ZFHX3: variants seen among roughly 807,000 people sequenced by gnomAD.
ZFHX3 encodes zinc finger homeobox protein 3.
Under a neutral mutation model 279.1 loss-of-function variants are expected in ZFHX3, and 42 were observed. The ratio of observed to expected loss-of-function variants is 0.15; its 90% CI spans 0.12 to 0.19. The LOEUF is 0.19. Among genes scored for constraint, ZFHX3 ranks in the 10% least tolerant of loss-of-function variants. The pLI is 1.00. For missense variants in ZFHX3, 4,981 were observed against 4,754.0 expected (o/e 1.05, Z -1.40); for synonymous variants, 2,293 against 1,957.8 (o/e 1.17, Z -4.52).
intron 2 of ZFHX3, among the ~76,000 whole-genome samples, chr16:73,613,983 C>A (rs1373918064): frequency 6.6e-6 from 1 of 152,168 alleles, no homozygotes; most frequent in Non-Finnish European, 1.5e-5. Context: ...TTCTTTAGAT[C>A]CAAAGATCAA....
intron 2 of ZFHX3, among the ~76,000 whole-genome samples, chr16:73,572,980 C>T (rs1467351020): frequency 5.3e-5 from 8 of 152,152 alleles, no homozygotes; most frequent in Admixed American, 5.2e-4. Context: ...GACCGCTCTA[C>T]AATTTTCATT....
In ZFHX3 at chr16:73,005,919, C is replaced by T. The variant is rs184640316; in HGVS notation, c.-50+41833G>A. On this transcript the variant is annotated intron_variant, in intron 1 of 9. Transcript: ENST00000268489. ...TACCAGACACATTTCTATTTGATTC[C>T]ATCCCACTGAGTGATCTCTATATTT... 3.3e-4 allele frequency: 50 copies of T among 152,306 alleles called. 2 individuals are homozygous for T. In the East Asian group the frequency reaches 8.3e-3, roughly 25 times the overall value. The allele number at this position is 152,306 out of a possible 1,614,324, so 9.4% of individuals were successfully genotyped here.
chr16:73,374,170 G>A (rs1315059409), intron 3 of ZFHX3, among the ~76,000 whole-genome samples: 1 of 152,172 alleles, frequency 6.6e-6, no homozygotes, highest in Non-Finnish European at 1.5e-5. Flanking sequence ...GCAAAAGAGA[G>A]CAGGTGGGTT....
chr16:73,637,405 G>A (rs1016619250), intron 2 of ZFHX3, among the ~76,000 whole-genome samples: 2 of 151,622 alleles, frequency 1.3e-5, no homozygotes, highest in African/African-American at 2.4e-5. Context: ...CTAATTTTTT[G>A]TATTTTTACT....
chr16:73,452,045 C>G (rs985896899), intron 3 of ZFHX3, among the ~76,000 whole-genome samples: 1 of 152,170 alleles, frequency 6.6e-6, no homozygotes, highest in Non-Finnish European at 1.5e-5. Flanking sequence ...ACACAAAGAG[C>G]TGAGAGTTTC....
chr16:73,105,813 T>G lies in ZFHX3; in HGVS notation c.-896-12215A>C, dbSNP rs372495202. ...ATTAAAACAAAACATTTCACTGCAA[T>G]GGCTTTCCAAGTCAAAAATTCTTTT... is the stretch of plus-strand genomic sequence containing the variant. On this transcript the variant is annotated intron_variant, in intron 7 of 17. Coordinates refer to the ZFHX3 transcript ENST00000641206. Among the ~76,000 whole-genome samples, 39 of 152,284 alleles carry G rather than the reference T, an allele frequency of 2.6e-4. 2 individuals carry two copies. The highest frequency in any genetic ancestry group is 1.6e-3 in the Admixed American group (24 of 15,292).
chr16:73,802,803 C>T (rs1457629533), intron 1 of ZFHX3, among the ~76,000 whole-genome samples: 1 of 152,126 alleles, frequency 6.6e-6, no homozygotes, highest in African/African-American at 2.4e-5. Context: ...AAATTATCAA[C>T]AAAGCATTAT....
intron 4 of ZFHX3, among the ~76,000 whole-genome samples, chr16:73,295,560 A>T (rs1670975686): frequency 1.3e-5 from 2 of 152,238 alleles, no homozygotes; most frequent in South Asian, 4.1e-4. Context: ...AATCTGCAGA[A>T]TTTTTAGGGT....
chr16:72,871,528 G>C (rs895876674), intron 4 of ZFHX3, among the ~76,000 whole-genome samples: 2 of 152,168 alleles, frequency 1.3e-5, no homozygotes, highest in South Asian at 2.1e-4. Context: ...TTTTAGTAGA[G>C]ACGGGGTTTC....
intron 5 of ZFHX3, among the ~76,000 whole-genome samples, chr16:73,168,284 CAA>C (rs1232551055): frequency 2.0e-5 from 1 of 49,326 alleles, no homozygotes; most frequent in African/African-American, 8.3e-5. Context: ...TCTTTCGAGA[CAA>C]AGTCTCACTC....
rs530998218 is a variant in ZFHX3, at chr16:73,851,164, C to G, written c.-1608+40487G>C. Among the ~76,000 whole-genome samples, 6 of 152,214 alleles carry G rather than the reference C, an allele frequency of 3.9e-5. 1 individual carries two copies. In the East Asian group the frequency reaches 1.2e-3, roughly 29 times the overall value. ...CTGCAAAGAGCTCGAACATAAAGTACAGAACTCAATACAGAGGGGGAAGTT... is the reference window on the plus strand; with the variant it reads ...CTGCAAAGAGCTCGAACATAAAGTAGAGAACTCAATACAGAGGGGGAAGTT... On this transcript the variant is annotated intron_variant, in intron 1 of 17. Coordinates refer to the ZFHX3 transcript ENST00000641206.
chr16:73,444,075 G>A (rs999871060), intron 3 of ZFHX3, among the ~76,000 whole-genome samples: 3 of 152,016 alleles, frequency 2.0e-5, no homozygotes, highest in Non-Finnish European at 4.4e-5. Flanking sequence ...GCTTTCTCTT[G>A]GTCAAATAAA....
At chr16:73,755,574 T>C (rs754319506) in intron 1 of ZFHX3, among the ~76,000 whole-genome samples, 4 of 152,160 alleles carry the variant, frequency 2.6e-5, no homozygotes, top group Non-Finnish European at 4.4e-5. Flanking sequence ...AAATGCAGTA[T>C]CCTTATAACA....
intron 4 of ZFHX3, among the ~76,000 whole-genome samples, chr16:73,296,069 CGTGTGT>C (rs58283675): frequency 0.21 from 30,572 of 148,948 alleles, 3,055 homozygotes; most frequent in Middle Eastern, 0.26. Flanking sequence ...ATTACAATCC[CGTGTGT>C]GTGTGTGTGT....
intron 7 of ZFHX3, among the ~76,000 whole-genome samples, chr16:73,105,555 C>A (rs1033898492): frequency 5.3e-5 from 8 of 151,576 alleles, no homozygotes; most frequent in Non-Finnish European, 1.2e-4. Context: ...AGTTTCAAGA[C>A]CCGCCTGGCC....
chr16:73,781,180 G>C (rs1484382442), intron 1 of ZFHX3, among the ~76,000 whole-genome samples: 1 of 152,188 alleles, frequency 6.6e-6, no homozygotes, highest in Non-Finnish European at 1.5e-5. Context: ...CTGAGCAAGA[G>C]AGCAAGCAAC....
At chr16:73,733,597 G>T (rs189751194) in intron 1 of ZFHX3, among the ~76,000 whole-genome samples, 8 of 152,068 alleles carry the variant, frequency 5.3e-5, no homozygotes, top group Admixed American at 5.2e-4. Flanking sequence ...TTTTCCTGTC[G>T]TTGGGGATTA....
intron 1 of ZFHX3, among the ~76,000 whole-genome samples, chr16:73,720,317 A>G (rs2053462298): frequency 6.6e-6 from 1 of 152,212 alleles, no homozygotes; most frequent in South Asian, 2.1e-4. Context: ...CTTCAGTGTT[A>G]GGGAATTGAT....
At chr16:73,071,312 T>C (rs1016627583) in intron 8 of ZFHX3, among the ~76,000 whole-genome samples, 83 of 151,962 alleles carry the variant, frequency 5.5e-4, no homozygotes, top group Non-Finnish European at 5.9e-5. Context: ...TCTCTTCTTC[T>C]AGTCTCCATT....
Sources: allele counts gnomAD v4.1 joint callset (sites outside exome capture counted in the v4.1 genomes callset), GRCh38; gene constraint gnomAD v4.1.1; transcripts MANE v1.5; gene names NCBI Gene and HGNC (gene_info 2026-07-23, HGNC 2026-07-21).